COL25A1: variants seen among roughly 807,000 people sequenced by gnomAD.
COL25A1 encodes the protein collagen alpha-1(XXV) chain.
In COL25A1, 103 loss-of-function variants were observed where a neutral mutation model predicts 128.4. The ratio of observed to expected loss-of-function variants is 0.80; its 90% confidence interval spans 0.68 to 0.94. The LOEUF is 0.94. COL25A1 is among the 40% of genes least tolerant of loss of function. The pLI, the probability that COL25A1 is intolerant of heterozygous loss-of-function variation, is 0.00. For missense variants in COL25A1, 745 were observed against 840.0 expected (o/e 0.89, Z 1.40); for synonymous variants, 279 against 277.2 (o/e 1.01, Z -0.06).
At chr4:109,107,092 A>T (rs1405905406) in intron 3 of COL25A1, among the ~76,000 whole-genome samples, 2 of 151,384 alleles carry the variant, frequency 1.3e-5, no homozygotes, top group Non-Finnish European at 2.9e-5. Context: ...TAAGTGCTTC[A>T]AAAAGTTTTT....
At chr4:108,970,404 A>G (rs1751785121) in intron 8 of COL25A1, among the ~76,000 whole-genome samples, 3 of 152,214 alleles carry the variant, frequency 2.0e-5, no homozygotes, top group Admixed American at 2.0e-4. Context: ...GGCAAATGGA[A>G]TATTATTTTT....
chr4:108,918,351 G>A, intron 12 of COL25A1, 135 bp from the exon 13 acceptor site: 1 of 523,228 alleles, frequency 1.9e-6, no homozygotes, highest in Admixed American at 3.7e-5. Flanking sequence ...TATCCACTGT[G>A]TTCAAATATA....
At chr4:109,213,359 G>A (rs1228547533) in intron 3 of COL25A1, among the ~76,000 whole-genome samples, 2 of 152,120 alleles carry the variant, frequency 1.3e-5, no homozygotes, top group African/African-American at 2.4e-5. Context: ...TTAAATCTTA[G>A]TGGGCTCTGC....
At chr4:109,209,510 A>G (rs564225718) in intron 3 of COL25A1, among the ~76,000 whole-genome samples, 1 of 152,192 alleles carries the variant, frequency 6.6e-6, no homozygotes, top group South Asian at 2.1e-4. Flanking sequence ...TTCTTTCCAG[A>G]CACAAAGCAG....
chr4:109,083,448 ATTTTTTTTT>A (rs60165291), intron 3 of COL25A1, among the ~76,000 whole-genome samples: 44 of 77,048 alleles, frequency 5.7e-4, no homozygotes, highest in African/African-American at 1.7e-3. Context: ...CACTAAATAA[ATTTTTTTTT>A]TTTTTTTTTT....
At chr4:109,250,774 G>A (rs932086522) in intron 3 of COL25A1, among the ~76,000 whole-genome samples, 2 of 152,140 alleles carry the variant, frequency 1.3e-5, no homozygotes, top group African/African-American at 4.8e-5. Flanking sequence ...AACACACCCA[G>A]AATAATATTT....
chr4:109,198,294 TCACACACACACACA>T (rs112993547), intron 3 of COL25A1, among the ~76,000 whole-genome samples: 7 of 143,944 alleles, frequency 4.9e-5, no homozygotes, highest in Non-Finnish European at 9.1e-5. Flanking sequence ...GCATATTCAT[TCACACACACACACA>T]CACACACACA....
chr4:109,261,819 A>T (rs7661003), intron 3 of COL25A1, among the ~76,000 whole-genome samples: 73,250 of 150,674 alleles, frequency 0.49, 20,568 homozygotes, highest in African/African-American at 0.76. Context: ...TGCCTCAGCC[A>T]CCCGAGTAGC....
At chr4:109,096,900 G>C (rs559046602) in intron 3 of COL25A1, among the ~76,000 whole-genome samples, 114 of 152,282 alleles carry the variant, frequency 7.5e-4, no homozygotes, top group African/African-American at 2.7e-3. Flanking sequence ...TTTAATTCAT[G>C]ATTCATTAAT....
intron 19 of COL25A1, among the ~76,000 whole-genome samples, chr4:108,875,865 T>G (rs575048828): frequency 2.4e-4 from 37 of 152,266 alleles, no homozygotes; most frequent in African/African-American, 7.2e-4. Flanking sequence ...ATATACACCA[T>G]GGAATACTAT....
chr4:109,078,752 G>A (rs958456395), intron 3 of COL25A1, among the ~76,000 whole-genome samples: 1 of 152,198 alleles, frequency 6.6e-6, no homozygotes, highest in South Asian at 2.1e-4. Flanking sequence ...ACTGTGTTGT[G>A]ACAGAAGTAG....
At chr4:109,255,537 T>C (rs1462429843) in intron 3 of COL25A1, among the ~76,000 whole-genome samples, 3 of 152,148 alleles carry the variant, frequency 2.0e-5, no homozygotes, top group Non-Finnish European at 4.4e-5. Flanking sequence ...AGAGAATCCT[T>C]ATGGAAACCC....
chr4:109,143,401 A>T (rs966642268), intron 3 of COL25A1, among the ~76,000 whole-genome samples: 2 of 151,930 alleles, frequency 1.3e-5, no homozygotes, highest in African/African-American at 4.8e-5. Flanking sequence ...GATCTTCTCG[A>T]GGAGTATCTT....
At chr4:109,228,498 C>T (rs963526655) in intron 3 of COL25A1, among the ~76,000 whole-genome samples, 2 of 152,100 alleles carry the variant, frequency 1.3e-5, no homozygotes, top group African/African-American at 2.4e-5. Context: ...GATTTCAGCA[C>T]TCAGGATTTT....
chr4:109,221,029 T>C (rs918168519), intron 3 of COL25A1, among the ~76,000 whole-genome samples: 4 of 151,446 alleles, frequency 2.6e-5, no homozygotes, highest in Non-Finnish European at 5.9e-5. Context: ...GAAGCAAGAG[T>C]TTCCCAACCC....
intron 3 of COL25A1, among the ~76,000 whole-genome samples, chr4:109,211,037 A>T (rs2126196215): frequency 6.6e-6 from 1 of 151,978 alleles, no homozygotes; most frequent in Non-Finnish European, 1.5e-5. Context: ...AACGGAGAGG[A>T]GGGTGGATGA....
chr4:109,039,545 C>T (rs574905745), intron 5 of COL25A1, among the ~76,000 whole-genome samples: 1 of 152,272 alleles, frequency 6.6e-6, no homozygotes, highest in East Asian at 1.9e-4. Context: ...TGATCCCCTC[C>T]ACATCTAAAT....
At chr4:109,265,525 G>A (rs1781728317) in intron 3 of COL25A1, among the ~76,000 whole-genome samples, 2 of 102,652 alleles carry the variant, frequency 1.9e-5, no homozygotes, top group Non-Finnish European at 3.4e-5. Context: ...GTACGTGTGT[G>A]TGTGTGTGTG....
intron 6 of COL25A1, among the ~76,000 whole-genome samples, chr4:109,004,083 C>A (rs1015385470): frequency 2.6e-5 from 4 of 152,044 alleles, no homozygotes; most frequent in Non-Finnish European, 5.9e-5. Flanking sequence ...TTCTAATACC[C>A]TTTCACCATC....
Sources: allele counts gnomAD v4.1 joint callset (sites outside exome capture counted in the v4.1 genomes callset), GRCh38; gene constraint gnomAD v4.1.1; transcripts MANE v1.5; gene names NCBI Gene and HGNC (gene_info 2026-07-23, HGNC 2026-07-21).